Variants in AOAH observed in about 807,000 individuals in gnomAD.
The protein encoded by AOAH is acyloxyacyl hydrolase (neutrophil).
In AOAH, 64 loss-of-function variants were observed where a neutral mutation model predicts 92.2. The observed-to-expected ratio is 0.69, with a 90% CI of 0.57 to 0.86. AOAH has a LOEUF of 0.86. Among genes scored for constraint, AOAH ranks in the 40% least tolerant of loss-of-function variants. The pLI is 0.00. For synonymous variants in AOAH, 263 were observed against 254.5 expected, an observed-to-expected ratio of 1.03 and a Z score of -0.32; for missense variants, 656 against 694.6, an observed-to-expected ratio of 0.94 and a Z score of 0.62.
chr7:36,720,506 T>A (rs1460505054), intron 1 of AOAH, among the ~76,000 whole-genome samples: 1 of 152,158 alleles, frequency 6.6e-6, no homozygotes, highest in Non-Finnish European at 1.5e-5. Context: ...TTTTTGAGGC[T>A]ATTACTTCAC....
chr7:36,602,235 T>A (rs1262231342), intron 11 of AOAH, among the ~76,000 whole-genome samples: 1 of 152,206 alleles, frequency 6.6e-6, no homozygotes, highest in African/African-American at 2.4e-5. Flanking sequence ...TTTGCTTGAA[T>A]GCAGCTCTTT....
chr7:36,584,666 T>G (rs1789179187), intron 12 of AOAH, among the ~76,000 whole-genome samples: 1 of 152,248 alleles, frequency 6.6e-6, no homozygotes, highest in Non-Finnish European at 1.5e-5. Context: ...ATACTTATTA[T>G]AGGACACACT....
Position 36,587,289 on chromosome 7 carries a change from A to AAAAG in AOAH, c.938+7046_938+7049dup, listed in dbSNP as rs1276068827. 7.5e-4 allele frequency among the ~76,000 whole-genome samples: 112 copies of AAAAG among 149,386 alleles called. 1 individual carries two copies. Among genetic ancestry groups the AAAAG allele is most frequent in the African/African-American group, 1.4e-3 (58 of 40,338 alleles). On this transcript the variant is annotated intron_variant, in intron 12 of 20. Transcript: ENST00000617537. Reference sequence around the variant, plus strand: ...TCCGTCTCAAAAAAAAAAAAAAAAAAAAAGAAAGAAAGAAAAGAAAATCTG... The same window carrying AAAAG: ...TCCGTCTCAAAAAAAAAAAAAAAAAAAAAGAAAGAAAGAAAGAAAAGAAAATCTG...
chr7:36,552,975 T>A (rs576670374), intron 13 of AOAH, among the ~76,000 whole-genome samples: 3 of 152,088 alleles, frequency 2.0e-5, no homozygotes, highest in East Asian at 3.9e-4. Flanking sequence ...TTTCTTTTTT[T>A]ATTATTATTA....
chr7:36,673,770 C>T (rs1259100646), intron 3 of AOAH, among the ~76,000 whole-genome samples, 173 bp downstream of exon 3: 1 of 152,094 alleles, frequency 6.6e-6, no homozygotes, highest in Non-Finnish European at 1.5e-5. Context: ...CGTAGAGTGA[C>T]GAAGGATCCA....
chr7:36,560,119 GT>G (rs1787150759), intron 13 of AOAH, among the ~76,000 whole-genome samples: 1 of 152,104 alleles, frequency 6.6e-6, no homozygotes. Context: ...AGTACCATGC[GT>G]TTTGGTCACT....
At chr7:36,592,039 G>A (rs1789781844) in intron 12 of AOAH, among the ~76,000 whole-genome samples, 1 of 152,094 alleles carries the variant, frequency 6.6e-6, no homozygotes. Flanking sequence ...AGGTAGTTGG[G>A]ATTTATAGAG....
intron 4 of AOAH, among the ~76,000 whole-genome samples, chr7:36,650,838 A>C (rs751574967): frequency 2.6e-5 from 4 of 152,214 alleles, no homozygotes; most frequent in Non-Finnish European, 4.4e-5. Context: ...GTGAGCAAGA[A>C]AGACACGGTC....
chr7:36,656,280 A>G (rs1252143361), intron 4 of AOAH, among the ~76,000 whole-genome samples: 1 of 152,186 alleles, frequency 6.6e-6, no homozygotes, highest in South Asian at 2.1e-4. Flanking sequence ...AAAGGAGCAT[A>G]TACCGCGCGA....
chr7:36,530,583 A>T, intron 18 of AOAH, 69 bp from the exon 19 acceptor site: 1 of 1,043,682 alleles, frequency 9.6e-7, no homozygotes, highest in Non-Finnish European at 1.5e-6. Flanking sequence ...CAATTCAGGC[A>T]GAACAAAGAA....
intron 18 of AOAH, chr7:36,530,752 T>A (rs1784645036): frequency 4.6e-6 from 2 of 431,028 alleles, no homozygotes; most frequent in Admixed American, 7.8e-5. Context: ...TGATACTAGT[T>A]TTAACACCCT....
In AOAH at chr7:36,684,589, C is replaced by T. The variant is rs554971005; in HGVS notation, c.223+2110G>A. On this transcript the variant is annotated intron_variant, in intron 2 of 20. Coordinates refer to ENST00000617537, the MANE Select transcript of AOAH (RefSeq NM_001637.4). ...TTAAAACCCAAATAAATTAATAGAT[C>T]TCATCATTGAACATCGACAGCTGCG... Among the ~76,000 whole-genome samples the T allele has an allele frequency of 3.9e-5, 6 of 151,926 alleles. No homozygotes were observed. The South Asian group carries it at 1.3e-3, about 32-fold the overall frequency.
At chr7:36,580,298 A>G (rs913764824) in intron 12 of AOAH, among the ~76,000 whole-genome samples, 3 of 151,614 alleles carry the variant, frequency 2.0e-5, no homozygotes, top group African/African-American at 4.9e-5. Flanking sequence ...CATTTTCTGG[A>G]TAATATCCTC....
chr7:36,591,402 A>G (rs1554293500), intron 12 of AOAH, among the ~76,000 whole-genome samples: 1 of 152,222 alleles, frequency 6.6e-6, no homozygotes, highest in Non-Finnish European at 1.5e-5. Context: ...ATAAAAAGGT[A>G]CTAGGTCAAT....
chr7:36,624,279 G>A (rs145409410), intron 6 of AOAH, among the ~76,000 whole-genome samples: 362 of 152,272 alleles, frequency 2.4e-3, no homozygotes, highest in African/African-American at 8.4e-3. Context: ...GCTTTCTTTG[G>A]AGCCGAGAAT....
intron 11 of AOAH, among the ~76,000 whole-genome samples, chr7:36,615,109 T>G (rs1035053726): frequency 3.3e-5 from 5 of 152,138 alleles, no homozygotes; most frequent in African/African-American, 1.2e-4. Flanking sequence ...CTGGCTTGCC[T>G]TTTCTGTCTT....
chr7:36,563,142 C>T (rs939205409), intron 13 of AOAH, among the ~76,000 whole-genome samples: 3 of 73,770 alleles, frequency 4.1e-5, no homozygotes, highest in African/African-American at 1.3e-4. Context: ...AATGAAACTC[C>T]GTCTCAAAAA....
intron 11 of AOAH, among the ~76,000 whole-genome samples, chr7:36,602,694 T>G (rs1790702010): frequency 6.6e-6 from 1 of 152,116 alleles, no homozygotes; most frequent in Non-Finnish European, 1.5e-5. Flanking sequence ...AAAAGTTTAG[T>G]CATTTCTACA....
intron 3 of AOAH, among the ~76,000 whole-genome samples, chr7:36,663,128 G>A (rs372945977): frequency 1.3e-5 from 2 of 152,142 alleles, no homozygotes; most frequent in African/African-American, 4.8e-5. Flanking sequence ...ATAAAGCCAA[G>A]AGAGTCACAT....
Sources: gnomAD v4.1 joint callset for allele counts (sites outside exome capture counted in the v4.1 genomes callset) on GRCh38, gnomAD v4.1.1 for gene constraint, MANE v1.5 for transcripts, NCBI Gene and HGNC (gene_info 2026-07-23, HGNC 2026-07-21) for gene names.